The following ROR2 variants were observed in gnomAD, a reference collection of about 807,000 sequenced individuals.
The protein encoded by ROR2 is tyrosine-protein kinase transmembrane receptor ROR2.
In ROR2, 33 loss-of-function variants were observed where a neutral mutation model predicts 74.9. The ratio of observed to expected loss-of-function variants is 0.44; its 90% CI spans 0.33 to 0.59. The LOEUF is 0.59. Among genes scored for constraint, ROR2 ranks in the 20% least tolerant of loss-of-function variants. The pLI is 0.02. For missense variants in ROR2, 1,216 were observed against 1,313.8 expected, an observed-to-expected ratio of 0.93 and a Z score of 1.15; for synonymous variants, 586 against 558.7, an observed-to-expected ratio of 1.05 and a Z score of -0.69.
intron 1 of ROR2, among the ~76,000 whole-genome samples, chr9:91,832,575 C>A (rs1178490935): frequency 6.6e-6 from 1 of 152,002 alleles, no homozygotes; most frequent in East Asian, 1.9e-4. Context: ...GAGTAGAAGG[C>A]CTCAAAAGCA....
At chr9:91,792,727 A>C (rs746458119) in intron 1 of ROR2, among the ~76,000 whole-genome samples, 69 of 152,232 alleles carry the variant, frequency 4.5e-4, no homozygotes, top group Non-Finnish European at 5.4e-4. Context: ...ACCTTCAGAA[A>C]TAAAAAGGAC....
intron 1 of ROR2, 75 bp from the exon 2 acceptor site, chr9:91,775,893 G>T (rs1826404222): frequency 8.0e-7 from 1 of 1,253,384 alleles, no homozygotes; most frequent in Non-Finnish European, 1.2e-6. Context: ...CTTATGCAAA[G>T]ACAACAGCAT....
At position 91,888,253 on chromosome 9, in the gene ROR2, G is replaced by C. The variant is rs528299245; in HGVS notation, c.97+61614C>G. Among the ~76,000 whole-genome samples the C allele has an allele frequency of 2.6e-5, 4 of 152,260 alleles. No individual in the cohort carries two copies. The East Asian group carries it at 7.7e-4, about 29-fold the overall frequency. ...TGAGTGTTTGGAAGGTCTCCTCCTA[G>C]TGAACTGCCTGTTTATATTTTTGAG... is the stretch of plus-strand genomic sequence containing the variant. On this transcript the variant is annotated intron_variant, in intron 1 of 8. Coordinates refer to ENST00000375708, the MANE Select transcript of ROR2 (RefSeq NM_004560.4).
chr9:91,861,302 G>T (rs1288333886), intron 1 of ROR2, among the ~76,000 whole-genome samples: 3 of 152,094 alleles, frequency 2.0e-5, no homozygotes, highest in Admixed American at 2.0e-4. Flanking sequence ...GAAATGTGAG[G>T]AACACAGAAT....
intron 1 of ROR2, among the ~76,000 whole-genome samples, chr9:91,792,729 A>T (rs897032091): frequency 1.3e-5 from 2 of 152,212 alleles, no homozygotes; most frequent in Admixed American, 1.3e-4. Flanking sequence ...CTTCAGAAAT[A>T]AAAAGGACTA....
chr9:91,808,273 C>T (rs1350457096), intron 1 of ROR2, among the ~76,000 whole-genome samples: 1 of 152,176 alleles, frequency 6.6e-6, no homozygotes, highest in Non-Finnish European at 1.5e-5. Flanking sequence ...TAAATATGCA[C>T]TTTGAATGTG....
At chr9:91,789,016 G>A (rs1404430495) in intron 1 of ROR2, among the ~76,000 whole-genome samples, 1 of 152,180 alleles carries the variant, frequency 6.6e-6, no homozygotes, top group Non-Finnish European at 1.5e-5. Context: ...GTCGGTCAAT[G>A]GGTTCAAAGT....
chr9:91,873,882 T>C (rs1829878364), intron 1 of ROR2, among the ~76,000 whole-genome samples: 1 of 152,198 alleles, frequency 6.6e-6, no homozygotes, highest in African/African-American at 2.4e-5. Flanking sequence ...ATTCAGGCTG[T>C]AAATTACCTT....
At position 91,755,158 on chromosome 9, in the gene ROR2, G is replaced by C. The variant is rs531271680; in HGVS notation, c.494+913C>G. Among the ~76,000 whole-genome samples, 4 of 149,172 alleles carry C rather than the reference G, an allele frequency of 2.7e-5. No homozygotes were observed. The South Asian group carries it at 9.1e-4, about 34-fold the overall frequency. ...TGAAAAGCCAGGCCTGTCTATTTGG[G>C]GGGGGAAAAAAATCTGCCCTCTGCA... On this transcript the variant is annotated intron_variant, in intron 4 of 8. Coordinates refer to ENST00000375708, the MANE Select transcript of ROR2 (RefSeq NM_004560.4).
chr9:91,726,792 A>C, intron 7 of ROR2, 49 bp from the exon 8 acceptor site: 1 of 1,581,530 alleles, frequency 6.3e-7, no homozygotes, highest in Non-Finnish European at 8.7e-7. Context: ...TCCCTTTTCT[A>C]CTCTAAGTTC....
At chr9:91,911,516 T>C (rs1830981339) in intron 1 of ROR2, among the ~76,000 whole-genome samples, 1 of 152,162 alleles carries the variant, frequency 6.6e-6, no homozygotes, top group Non-Finnish European at 1.5e-5. Flanking sequence ...ACGTGGCGCA[T>C]TACCATACTT....
chr9:91,870,045 TGAA>T (rs1829751560), intron 1 of ROR2, among the ~76,000 whole-genome samples: 2 of 152,136 alleles, frequency 1.3e-5, no homozygotes, highest in African/African-American at 2.4e-5. Flanking sequence ...CAACATCAAA[TGAA>T]GAAGATTTTG....
rs1482154641 is a variant in ROR2, at chr9:91,838,915, C to G, written c.98-63097G>C. ...CAGTAGAAGTCTGCTTCAGCAGAAA[C>G]TAGAGAGAAGTTCCCGGTGGACTCT... On this transcript the variant is annotated intron_variant, in intron 1 of 8. Coordinates refer to ENST00000375708, the MANE Select transcript of ROR2 (RefSeq NM_004560.4). Among the ~76,000 whole-genome samples, 3 of 152,050 alleles carry G rather than the reference C, an allele frequency of 2.0e-5. No homozygotes were observed. The East Asian group carries it at 5.8e-4, about 29-fold the overall frequency.
intron 1 of ROR2, among the ~76,000 whole-genome samples, chr9:91,853,587 A>G (rs1463616036): frequency 6.6e-6 from 1 of 152,228 alleles, no homozygotes; most frequent in East Asian, 1.9e-4. Context: ...GAGGAGTAGT[A>G]TCCACCCCTA....
At chr9:91,901,849 A>T (rs1830686003) in intron 1 of ROR2, among the ~76,000 whole-genome samples, 1 of 152,096 alleles carries the variant, frequency 6.6e-6, no homozygotes, top group African/African-American at 2.4e-5. Context: ...CAAAAAATAA[A>T]AAGGAGCTTT....
chr9:91,802,242 T>C (rs1022030242), intron 1 of ROR2, among the ~76,000 whole-genome samples: 4 of 124,554 alleles, frequency 3.2e-5, no homozygotes, highest in Non-Finnish European at 4.8e-5. Context: ...CCCGGCTAAC[T>C]TTTTTTTGTA....
chr9:91,739,513 T>TAAAAAAAAAAAA (rs71362359), intron 4 of ROR2, among the ~76,000 whole-genome samples: 1 of 105,602 alleles, frequency 9.5e-6, no homozygotes, highest in Non-Finnish European at 1.9e-5. Context: ...TCTTTAAATT[T>TAAAAAAAAAAAA]AAAAAAAAAA....
intron 1 of ROR2, among the ~76,000 whole-genome samples, chr9:91,877,719 C>T (rs1308354541): frequency 1.3e-5 from 2 of 152,150 alleles, no homozygotes; most frequent in African/African-American, 2.4e-5. Context: ...CCTGCTATGC[C>T]TATTGACAGA....
intron 1 of ROR2, among the ~76,000 whole-genome samples, chr9:91,848,335 C>T (rs1563997225): frequency 6.6e-6 from 1 of 152,128 alleles, no homozygotes; most frequent in Non-Finnish European, 1.5e-5. Context: ...GCTGGTTTTT[C>T]AGAAAAGGAG....
Sources: allele counts gnomAD v4.1 joint callset (sites outside exome capture counted in the v4.1 genomes callset), GRCh38; gene constraint gnomAD v4.1.1; transcripts MANE v1.5; gene names NCBI Gene and HGNC (gene_info 2026-07-23, HGNC 2026-07-21).